Variants in CXXC5 observed in about 807,000 individuals in gnomAD.
CXXC5 encodes the protein CXXC-type zinc finger protein 5.
In CXXC5, 2 loss-of-function variants were observed where a neutral mutation model predicts 17.6. That is an observed-to-expected ratio of 0.11 (90% confidence interval 0.05 to 0.36). The LOEUF (loss-of-function observed/expected upper bound fraction) is 0.36, where lower values mean the gene tolerates loss of function less well. Among genes scored for constraint, CXXC5 ranks in the 10% least tolerant of loss-of-function variants. CXXC5 has a pLI of 1.00. For missense variants in CXXC5, 343 were observed against 458.3 expected, an observed-to-expected ratio of 0.75 and a Z score of 2.30; for synonymous variants, 171 against 193.0, an observed-to-expected ratio of 0.89 and a Z score of 0.94.
At chr5:139,677,083 G>A (rs1015409043) in intron 1 of CXXC5, among the ~76,000 whole-genome samples, 9 of 152,052 alleles carry the variant, frequency 5.9e-5, no homozygotes, top group African/African-American at 1.7e-4. Context: ...GGCTGACCGC[G>A]GCTGGCGGGG....
chr5:139,679,491 G>A (rs1757058632), intron 1 of CXXC5, among the ~76,000 whole-genome samples: 1 of 152,120 alleles, frequency 6.6e-6, no homozygotes. Context: ...GTTACACAAA[G>A]GCAACCAGGT....
In CXXC5 at chr5:139,653,868, AG is replaced by A. The variant is rs1333984992; in HGVS notation, c.-161+5027del. ...GGCTCACAGGGCCTAGGAGGGAGGG[AG>A]GGGATCCTGCCCCGCCTTCCACAGC... On this transcript the variant is annotated intron_variant, in intron 1 of 2. Transcript: ENST00000302517. Among the ~76,000 whole-genome samples the A allele has an allele frequency of 2.0e-5, 3 of 152,008 alleles. No homozygotes were observed. In the East Asian group the frequency reaches 5.8e-4, roughly 29 times the overall value.
chr5:139,680,610 C>G lies in CXXC5; in HGVS notation c.87C>G (p.Gly29=). The change falls in exon 2 of 3, where the codon GGC becomes GGG. Residue 29 remains glycine, a synonymous_variant. Coordinates refer to ENST00000302517, the MANE Select transcript of CXXC5 (RefSeq NM_016463.9). ...GCAGCGGTGGCAGTGGCAGCAGTGGCCCAAAGGCAGGAGCAGCAGACAAGA... is the reference window on the plus strand; with the variant it reads ...GCAGCGGTGGCAGTGGCAGCAGTGGGCCAAAGGCAGGAGCAGCAGACAAGA... ...TNGSGGSGSS[G]PKAGAADKSA... 1 of 1,610,384 alleles carries G rather than the reference C, an allele frequency of 6.2e-7. No individual in the cohort carries two copies. The highest frequency in any genetic ancestry group is 8.5e-7 in the Non-Finnish European group (1 of 1,179,018).
rs150934513 is a variant in CXXC5, at chr5:139,665,157, TGCCA to T, written c.-160-15200_-160-15197del. Reference sequence around the variant, plus strand: ...TGCCTGCTGGGCGGGCAGGGGGGAGTGCCAGCCAGCTCCTCGCCTGACGCTGCCC... The same window carrying T: ...TGCCTGCTGGGCGGGCAGGGGGGAGTGCCAGCTCCTCGCCTGACGCTGCCC... On this transcript the variant is annotated intron_variant, in intron 1 of 2. Coordinates refer to ENST00000302517, the MANE Select transcript of CXXC5 (RefSeq NM_016463.9). 5.0e-4 allele frequency among the ~76,000 whole-genome samples: 76 copies of T among 152,078 alleles called. No individual in the cohort carries two copies. In the East Asian group the frequency reaches 0.014, roughly 27 times the overall value.
chr5:139,682,758 C>A, intron 2 of CXXC5, 105 bp from the exon 3 acceptor site: 1 of 1,193,082 alleles, frequency 8.4e-7, no homozygotes, highest in Non-Finnish European at 1.2e-6. Flanking sequence ...TTCCTCCATG[C>A]CTGTCCCTCC....
intron 1 of CXXC5, among the ~76,000 whole-genome samples, chr5:139,677,856 C>T (rs905289532): frequency 6.6e-6 from 1 of 152,242 alleles, no homozygotes; most frequent in Non-Finnish European, 1.5e-5. Context: ...CAGCCCTGAG[C>T]GCAGGCCGGC....
At chr5:139,647,571 G>A (rs752288994), upstream of CXXC5, 1 of 152,244 alleles carries the variant, frequency 6.6e-6, no homozygotes, top group Non-Finnish European at 1.5e-5. Flanking sequence ...GCAAGGCTGA[G>A]TTTTCCTTCT....
At chr5:139,674,970 C>T (rs1191881689) in intron 1 of CXXC5, among the ~76,000 whole-genome samples, 2 of 152,256 alleles carry the variant, frequency 1.3e-5, no homozygotes, top group Non-Finnish European at 2.9e-5. Context: ...TGTCCCCTCT[C>T]ATTGCTTCTC....
At position 139,670,023 on chromosome 5, in the gene CXXC5, T is replaced by C. The variant is rs1162034079; in HGVS notation, c.-160-10341T>C. Among the ~76,000 whole-genome samples, 1 of 152,202 alleles carries C rather than the reference T, an allele frequency of 6.6e-6. No homozygotes were observed. Among genetic ancestry groups the C allele is most frequent in the Admixed American group, 6.5e-5 (1 of 15,282 alleles). ...GGCCTGGGGGAGGTGCTGGGGGGGT[T>C]CTGCAGCACTGTGGCGGCGGCTCCT... On this transcript the variant is annotated intron_variant, in intron 1 of 2. Coordinates refer to ENST00000302517, the MANE Select transcript of CXXC5 (RefSeq NM_016463.9). This position sits in a 1 kb window ranked among gnomAD's most constrained non-coding sequence, Gnocchi z 4.2.
chr5:139,678,980 G>T (rs1757026613), intron 1 of CXXC5, among the ~76,000 whole-genome samples: 1 of 152,246 alleles, frequency 6.6e-6, no homozygotes, highest in African/African-American at 2.4e-5. Context: ...AGCTGAGGAG[G>T]CAGCTCAGAC....
chr5:139,662,672 G>C (rs2126769274), intron 1 of CXXC5, among the ~76,000 whole-genome samples: 1 of 150,596 alleles, frequency 6.6e-6, no homozygotes, highest in Non-Finnish European at 1.5e-5. Flanking sequence ...CGTGGTTGAG[G>C]AGGAGAGAGG....
intron 1 of CXXC5, chr5:139,650,843 G>GC (rs1378199829): frequency 6.6e-6 from 1 of 152,144 alleles, no homozygotes; most frequent in Non-Finnish European, 1.5e-5. Flanking sequence ...ACCCGTAACT[G>GC]CGTATTGTTG....
intron 1 of CXXC5, among the ~76,000 whole-genome samples, chr5:139,654,572 A>G (rs1036527088): frequency 1.3e-5 from 2 of 152,194 alleles, no homozygotes; most frequent in Admixed American, 6.5e-5. Flanking sequence ...ATCCTAAGAA[A>G]ATAACATGTG....
At chr5:139,655,773 G>A (rs558764295) in intron 1 of CXXC5, among the ~76,000 whole-genome samples, 9 of 131,214 alleles carry the variant, frequency 6.9e-5, no homozygotes, top group Non-Finnish European at 1.1e-4. Context: ...CAGCTGTGCC[G>A]GCCGGCCGTG....
Position 139,681,122 on chromosome 5 carries a change from A to G in CXXC5, c.599A>G (p.Glu200Gly). The G allele has an allele frequency of 6.2e-7, 1 of 1,612,648 alleles. No homozygotes were observed. The highest frequency in any genetic ancestry group is 8.5e-7 in the Non-Finnish European group (1 of 1,179,928). The change falls in exon 2 of 3, where the codon GAA (glutamate) becomes GGA (glycine). Residue 200 changes from glutamate to glycine, a missense_variant. Glu to Gly is a moderately conservative substitution (Grantham distance 98). Coordinates refer to ENST00000302517, the MANE Select transcript of CXXC5 (RefSeq NM_016463.9). ...LPDMEAVAGA[E>G]ALNGQSDFPY... The stretch of plus-strand genomic sequence containing the variant: ...GACATGGAGGCTGTGGCAGGTGCCG[A>G]AGCCCTCAATGGCCAGTCCGACTTC...
intron 1 of CXXC5, among the ~76,000 whole-genome samples, chr5:139,671,546 CG>C (rs571408556): frequency 3.5e-4 from 54 of 152,318 alleles, no homozygotes; most frequent in African/African-American, 1.3e-3. Context: ...GGCCTCTGTG[CG>C]GCCGGCTGGG....
At chr5:139,674,148 G>A (rs776763820) in intron 1 of CXXC5, among the ~76,000 whole-genome samples, 1 of 152,146 alleles carries the variant, frequency 6.6e-6, no homozygotes, top group Non-Finnish European at 1.5e-5. Context: ...TGTGCTCTCC[G>A]CCTGGGGCTG....
chr5:139,682,976 C>A lies in CXXC5; in HGVS notation c.*69C>A. 1 of 1,398,946 alleles carries A rather than the reference C, an allele frequency of 7.1e-7. No individual in the cohort carries two copies. Among genetic ancestry groups the A allele is most frequent in the Non-Finnish European group, 9.5e-7 (1 of 1,048,348 alleles). 86.7% of individuals were successfully genotyped at this position (1,398,946 alleles called of 1,614,324 possible). A position where few individuals can be genotyped will look rare whatever the true frequency, so the allele number is the denominator to read the frequency against. ...CTCGTGTGGTCTCCAGCAAGGGATTCGGGCGAAGACAAACGGATGCACCCG... is the reference window on the plus strand; with the variant it reads ...CTCGTGTGGTCTCCAGCAAGGGATTAGGGCGAAGACAAACGGATGCACCCG... On this transcript the variant is annotated 3_prime_UTR_variant, in exon 3 of 3. Coordinates refer to ENST00000302517, the MANE Select transcript of CXXC5 (RefSeq NM_016463.9).
At chr5:139,655,200 A>G (rs953536211) in intron 1 of CXXC5, among the ~76,000 whole-genome samples, 1 of 152,116 alleles carries the variant, frequency 6.6e-6, no homozygotes, top group East Asian at 1.9e-4. Context: ...TCCCACCCTC[A>G]GCCTGTCCCT....
Sources: allele counts gnomAD v4.1 joint callset (sites outside exome capture counted in the v4.1 genomes callset), GRCh38; gene constraint gnomAD v4.1.1; non-coding constraint Gnocchi (gnomAD v3.1); transcripts MANE v1.5; gene names NCBI Gene and HGNC (gene_info 2026-07-23, HGNC 2026-07-21).